The following NRCAM variants were observed in gnomAD, a reference collection of about 807,000 sequenced individuals.
NRCAM encodes NgCAM-related cell adhesion molecule.
Under a neutral mutation model 156.5 loss-of-function variants are expected in NRCAM, and 83 were observed. The ratio of observed to expected loss-of-function variants is 0.53; its 90% CI spans 0.44 to 0.64. The LOEUF (loss-of-function observed/expected upper bound fraction) is 0.64, where lower values mean the gene tolerates loss of function less well. NRCAM is among the 30% of genes least tolerant of loss of function. The pLI is 0.00. For synonymous variants in NRCAM, 538 were observed against 563.9 expected, an observed-to-expected ratio of 0.95 and a Z score of 0.65; for missense variants, 1,417 against 1,597.3, an observed-to-expected ratio of 0.89 and a Z score of 1.92.
intron 30 of NRCAM, among the ~76,000 whole-genome samples, chr7:108,164,969 A>G (rs939687335): frequency 6.6e-6 from 1 of 152,230 alleles, no homozygotes. Context: ...CTTTTGTCCT[A>G]TAGAAGGACA....
chr7:108,230,983 C>T (rs1286892475), intron 8 of NRCAM, 48 bp downstream of exon 8: 2 of 1,455,736 alleles, frequency 1.4e-6, no homozygotes, highest in East Asian at 2.3e-5. Context: ...TGACTGTAAA[C>T]AATCCTAAGA....
At chr7:108,368,895 A>T (rs2099611154) in intron 2 of NRCAM, among the ~76,000 whole-genome samples, 1 of 152,196 alleles carries the variant, frequency 6.6e-6, no homozygotes, top group Admixed American at 6.6e-5. Context: ...AATGAACATG[A>T]CCTGTGTAGG....
chr7:108,456,188 C>T (rs937304311), intron 1 of NRCAM, 55 bp downstream of exon 1: 2 of 152,598 alleles, frequency 1.3e-5, no homozygotes, highest in African/African-American at 4.8e-5. Flanking sequence ...CCGCTCCAGC[C>T]GTCACCCCCG....
At chr7:108,370,390 CAT>C (rs1170520859) in intron 2 of NRCAM, among the ~76,000 whole-genome samples, 3 of 152,072 alleles carry the variant, frequency 2.0e-5, no homozygotes, top group African/African-American at 7.2e-5. Context: ...AGTCAGGCAA[CAT>C]AGAATGTTTT....
Position 108,276,116 on chromosome 7 carries a change from T to C in NRCAM, c.-106-35946A>G, listed in dbSNP as rs56205143. ...CTGAGAGGCAGTTTGTGTGATTTCTTTTCTTTTACATTTGCTGAGGAGTGT... is the reference window on the plus strand; with the variant it reads ...CTGAGAGGCAGTTTGTGTGATTTCTCTTCTTTTACATTTGCTGAGGAGTGT... On this transcript the variant is annotated intron_variant, in intron 3 of 32. Transcript: ENST00000379028. 1.1e-3 allele frequency among the ~76,000 whole-genome samples: 173 copies of C among 152,240 alleles called. 2 individuals carry two copies. Among genetic ancestry groups the C allele is most frequent in the African/African-American group, 3.9e-3 (160 of 41,552 alleles).
chr7:108,248,060 T>G (rs532644851), intron 3 of NRCAM, among the ~76,000 whole-genome samples: 7 of 152,224 alleles, frequency 4.6e-5, no homozygotes, highest in Non-Finnish European at 1.0e-4. Flanking sequence ...GAAACATTTG[T>G]GGAGTCACTG....
intron 2 of NRCAM, among the ~76,000 whole-genome samples, chr7:108,387,612 C>T (rs1027053114): frequency 3.9e-5 from 6 of 152,154 alleles, no homozygotes; most frequent in Admixed American, 2.6e-4. Flanking sequence ...ATGTGCACAA[C>T]GTGCAGGTTT....
intron 1 of NRCAM, among the ~76,000 whole-genome samples, chr7:108,400,549 T>C (rs1471540262): frequency 2.6e-5 from 4 of 152,178 alleles, no homozygotes; most frequent in Non-Finnish European, 5.9e-5. Flanking sequence ...CAACTGTCAA[T>C]ATTTTGCAAA....
chr7:108,184,896 CT>C (rs541136894), intron 20 of NRCAM, among the ~76,000 whole-genome samples: 190 of 151,904 alleles, frequency 1.3e-3, no homozygotes, highest in Non-Finnish European at 2.2e-3. Context: ...TATATTTAAA[CT>C]TTTTAGGGAT....
At chr7:108,216,024 G>A (rs1055797638) in intron 11 of NRCAM, among the ~76,000 whole-genome samples, 12 of 152,260 alleles carry the variant, frequency 7.9e-5, no homozygotes, top group Middle Eastern at 3.4e-3. Context: ...TTTACAATTC[G>A]TTATGTTTTT....
In NRCAM at chr7:108,266,743, C is replaced by T. The variant is rs76115407; in HGVS notation, c.-106-26573G>A. ...TGATGCAGGCCACAGATGAACAGGT[C>T]TCCTGCCATCTGATCCATACGCCAC... On this transcript the variant is annotated intron_variant, in intron 3 of 32. Coordinates refer to ENST00000379028, the MANE Select transcript of NRCAM (RefSeq NM_001037132.4). 3.4e-4 allele frequency among the ~76,000 whole-genome samples: 52 copies of T among 152,314 alleles called. No homozygotes were observed. In the East Asian group the frequency reaches 0.01, roughly 29 times the overall value.
intron 13 of NRCAM, among the ~76,000 whole-genome samples, chr7:108,198,690 T>C (rs1270942503): frequency 1.3e-5 from 2 of 152,274 alleles, no homozygotes; most frequent in Non-Finnish European, 2.9e-5. Flanking sequence ...GAGCCTCTTC[T>C]TGACATAAAT....
intron 1 of NRCAM, among the ~76,000 whole-genome samples, chr7:108,452,556 C>T (rs1851681522): frequency 6.6e-6 from 1 of 152,138 alleles, no homozygotes; most frequent in Non-Finnish European, 1.5e-5. Context: ...TCTGTCCTCA[C>T]CTGCCAGGAA....
chr7:108,161,440 A>G (rs1025115005), intron 30 of NRCAM, among the ~76,000 whole-genome samples: 1 of 152,252 alleles, frequency 6.6e-6, no homozygotes, highest in South Asian at 2.1e-4. Flanking sequence ...ATCAATGGCT[A>G]TTCAGACATG....
chr7:108,359,042 T>C (rs2099529662), intron 2 of NRCAM, among the ~76,000 whole-genome samples: 1 of 152,240 alleles, frequency 6.6e-6, no homozygotes, highest in Admixed American at 6.5e-5. Flanking sequence ...GTCTAGTTCA[T>C]TACACCTTTT....
At position 108,318,750 on chromosome 7, in the gene NRCAM, C is replaced by T. The variant is rs150232439; in HGVS notation, c.-173-6019G>A. 6.6e-5 allele frequency among the ~76,000 whole-genome samples: 10 copies of T among 152,244 alleles called. No individual in the cohort carries two copies. In the East Asian group the frequency reaches 1.9e-3, roughly 29 times the overall value. ...GAGGTTTCATTCACGGGTGAGCAGA[C>T]GTACTTCAGCGTGGCCCTGGGAATC... is the stretch of plus-strand genomic sequence containing the variant. On this transcript the variant is annotated intron_variant, in intron 2 of 32. Transcript: ENST00000379028.
chr7:108,217,633 T>C (rs2090008780), intron 11 of NRCAM, among the ~76,000 whole-genome samples: 3 of 152,180 alleles, frequency 2.0e-5, no homozygotes. Flanking sequence ...AGGAGGAATC[T>C]AGAGAGGCAG....
intron 3 of NRCAM, among the ~76,000 whole-genome samples, chr7:108,247,237 T>C (rs1470738511): frequency 6.6e-6 from 1 of 152,216 alleles, no homozygotes; most frequent in Non-Finnish European, 1.5e-5. Context: ...GTTTATTATA[T>C]AGCCATAGAT....
chr7:108,165,906 A>G (rs2053790822), intron 30 of NRCAM, among the ~76,000 whole-genome samples: 1 of 152,250 alleles, frequency 6.6e-6, no homozygotes, highest in African/African-American at 2.4e-5. Context: ...GGGGGTATGA[A>G]CCACAGAGTG....
Sources: allele counts gnomAD v4.1 joint callset (sites outside exome capture counted in the v4.1 genomes callset), GRCh38; gene constraint gnomAD v4.1.1; transcripts MANE v1.5; gene names NCBI Gene and HGNC (gene_info 2026-07-23, HGNC 2026-07-21).